ZNF292: variants seen among roughly 807,000 people sequenced by gnomAD.
The protein encoded by ZNF292 is 16 zinc-finger domain protein.
ZNF292 carries 26 observed loss-of-function variants against 217.9 expected under a neutral mutation model. The ratio of observed to expected loss-of-function variants is 0.12; its 90% CI spans 0.09 to 0.17. ZNF292 has a LOEUF of 0.17. Among genes scored for constraint, ZNF292 ranks in the 10% least tolerant of loss-of-function variants. The pLI is 1.00. For missense variants in ZNF292, 2,904 were observed against 3,175.2 expected, an observed-to-expected ratio of 0.91 and a Z score of 2.05; for synonymous variants, 1,257 against 1,124.1, an observed-to-expected ratio of 1.12 and a Z score of -2.37.
At chr6:87,244,237 T>C (rs1774455254) in intron 6 of ZNF292, among the ~76,000 whole-genome samples, 1 of 152,212 alleles carries the variant, frequency 6.6e-6, no homozygotes, top group Non-Finnish European at 1.5e-5. Flanking sequence ...AATGGTTGTG[T>C]AATCAATAAA....
At chr6:87,248,650 C>T (rs1208100179) in intron 7 of ZNF292, among the ~76,000 whole-genome samples, 1 of 152,188 alleles carries the variant, frequency 6.6e-6, no homozygotes, top group Non-Finnish European at 1.5e-5. Context: ...AGTTTTAAAT[C>T]ATAGGTTGTG....
At chr6:87,208,793 T>C (rs935176596) in intron 1 of ZNF292, among the ~76,000 whole-genome samples, 4 of 152,186 alleles carry the variant, frequency 2.6e-5, no homozygotes, top group Admixed American at 1.3e-4. Context: ...AGGCTTGGTG[T>C]CAGAATATTG....
chr6:87,219,098 A>T (rs1048564568), intron 4 of ZNF292, among the ~76,000 whole-genome samples: 1 of 152,216 alleles, frequency 6.6e-6, no homozygotes, highest in African/African-American at 2.4e-5. Context: ...AGAAGTCAGT[A>T]CTAGAACTCT....
chr6:87,258,536 C>A lies in ZNF292; in HGVS notation c.4907C>A (p.Pro1636His), dbSNP rs1465452830. The change falls in exon 8 of 8, where the codon CCT becomes CAT. Residue 1636 changes from proline to histidine, a missense_variant. By Grantham distance (77) the Pro-to-His change is moderately conservative (BLOSUM62 -2). Transcript: ENST00000369577. Reference protein sequence around the residue: ...SASKRRKKVAPPLIAPNASQN... With the variant: ...SASKRRKKVAHPLIAPNASQN... ...TCTAAGAGAAGAAAGAAAGTTGCTC[C>A]TCCACTAATTGCACCTAACGCTTCC... 6.2e-7 allele frequency: 1 copy of A among 1,613,636 alleles called. No homozygotes were observed.
At position 87,256,462 on chromosome 6, in the gene ZNF292, CAG is replaced by C; in HGVS notation, c.2834_2835del (p.Gln945ArgfsTer3). On this transcript the variant is annotated frameshift_variant, in exon 8 of 8. Transcript: ENST00000369577. LOFTEE classifies it high-confidence loss of function. ...TGTGTCCATTAAGGTGTCTCTCAAT[CAG>C]GGGATTGAGGATAACTTTGGAAAGC... is the stretch of plus-strand genomic sequence containing the variant. ...VAVSIKVSLN[Q>X]GIEDNFGKQE... 2 of 1,608,760 alleles carry C rather than the reference CAG, an allele frequency of 1.2e-6. No homozygotes were observed. Among genetic ancestry groups the C allele is most frequent in the Non-Finnish European group, 8.5e-7 (1 of 1,179,798 alleles).
In ZNF292 at chr6:87,257,599, G is replaced by A. The variant is rs1490386087; in HGVS notation, c.3970G>A (p.Val1324Met). Residue 1324 changes from valine (V) to methionine (M), a missense_variant, in exon 8 of 8, where the codon GTG (valine) becomes ATG (methionine). Val to Met is a conservative substitution (Grantham distance 21). This residue lies in a region of ZNF292 where 687 missense variants were observed against 623.0 expected (regional missense o/e 1.10). Coordinates refer to ENST00000369577, the MANE Select transcript of ZNF292 (RefSeq NM_015021.3). ...TGAAAATGCAGTTTTTCCTTCACAA[G>A]TGAATGTTGCAAATAACTTCAGTAG... ...NGENAVFPSQ[V>M]NVANNFSSTN... is the part of the protein sequence containing the mutation. The A allele has an allele frequency of 1.2e-6, 2 of 1,606,992 alleles. No homozygotes were observed. Among genetic ancestry groups the A allele is most frequent in the Non-Finnish European group, 1.7e-6 (2 of 1,176,366 alleles).
intron 3 of ZNF292, 76 bp downstream of exon 3, chr6:87,216,453 G>A (rs1376531316): frequency 1.2e-5 from 13 of 1,107,274 alleles, no homozygotes; most frequent in Non-Finnish European, 1.7e-5. Flanking sequence ...AAATTATTCA[G>A]TTAAACTTTA....
At chr6:87,179,352 G>C (rs1471083683) in intron 1 of ZNF292, among the ~76,000 whole-genome samples, 1 of 151,856 alleles carries the variant, frequency 6.6e-6, no homozygotes, top group Non-Finnish European at 1.5e-5. Flanking sequence ...GTGGAGACAG[G>C]GTTTCACCAT....
chr6:87,178,957 T>G (rs1771384097), intron 1 of ZNF292, among the ~76,000 whole-genome samples: 1 of 152,124 alleles, frequency 6.6e-6, no homozygotes, highest in Non-Finnish European at 1.5e-5. Context: ...ATTAGGGTTC[T>G]TTATTCTATA....
intron 1 of ZNF292, among the ~76,000 whole-genome samples, chr6:87,192,786 C>T (rs993399418): frequency 6.6e-6 from 1 of 152,130 alleles, no homozygotes; most frequent in Non-Finnish European, 1.5e-5. Context: ...TAATTCTCTA[C>T]TGATGAACGT....
At chr6:87,248,720 A>G (rs1774740328) in intron 7 of ZNF292, among the ~76,000 whole-genome samples, 1 of 152,262 alleles carries the variant, frequency 6.6e-6, no homozygotes, top group South Asian at 2.1e-4. Flanking sequence ...ACTAGAAGCC[A>G]AACTGGCTAT....
At chr6:87,226,608 G>A (rs939977724) in intron 4 of ZNF292, among the ~76,000 whole-genome samples, 3 of 147,616 alleles carry the variant, frequency 2.0e-5, no homozygotes, top group East Asian at 2.0e-4. Flanking sequence ...TCCTAGACAA[G>A]GACATTATTT....
intron 1 of ZNF292, among the ~76,000 whole-genome samples, chr6:87,180,080 T>C (rs1771425487): frequency 6.6e-6 from 1 of 152,226 alleles, no homozygotes; most frequent in South Asian, 2.1e-4. Flanking sequence ...TTGGCTTCCC[T>C]GGGCCACATT....
chr6:87,196,022 C>T lies in ZNF292; in HGVS notation c.169-19881C>T, dbSNP rs543472868. 1.2e-4 allele frequency among the ~76,000 whole-genome samples: 17 copies of T among 141,568 alleles called. No homozygotes were observed. In the South Asian group the frequency reaches 3.1e-3, roughly 26 times the overall value. 92.9% of individuals were successfully genotyped at this position (141,568 alleles called of 152,430 possible). On this transcript the variant is annotated intron_variant, in intron 1 of 7. Coordinates refer to ENST00000369577, the MANE Select transcript of ZNF292 (RefSeq NM_015021.3). The stretch of plus-strand genomic sequence containing the variant: ...CAGCCTGGGCAGCAGAGTGAGACTC[C>T]GTCTCAAAAAAAAAAAAACAAAAAG...
intron 1 of ZNF292, among the ~76,000 whole-genome samples, chr6:87,204,160 T>C (rs192634996): frequency 4.6e-5 from 7 of 152,370 alleles, no homozygotes; most frequent in Non-Finnish European, 8.8e-5. Flanking sequence ...GCCAGGGTCC[T>C]GAAAGAGTCT....
At chr6:87,200,586 G>T (rs1462290436) in intron 1 of ZNF292, among the ~76,000 whole-genome samples, 1 of 152,206 alleles carries the variant, frequency 6.6e-6, no homozygotes, top group East Asian at 1.9e-4. Context: ...GGTTGCTTCT[G>T]TAAGCCTAGT....
chr6:87,213,302 G>A (rs544658630), intron 1 of ZNF292, among the ~76,000 whole-genome samples: 219 of 152,258 alleles, frequency 1.4e-3, no homozygotes, highest in Non-Finnish European at 2.6e-3. Flanking sequence ...CAAAGAAATA[G>A]CACTCAAACA....
chr6:87,257,817 G>A lies in ZNF292; in HGVS notation c.4188G>A (p.Lys1396=), dbSNP rs1450411059. 1 of 1,613,858 alleles carries A rather than the reference G, an allele frequency of 6.2e-7. No homozygotes were observed. The highest frequency in any genetic ancestry group is 2.2e-5 in the East Asian group (1 of 44,886). The change falls in exon 8 of 8, where the codon AAG becomes AAA. Residue 1396 remains lysine (K), a synonymous_variant. Transcript: ENST00000369577. The part of the protein sequence containing the change: ...NPRSLGGHLS[K]RSYCKPLDGA... ...GATCACTGGGTGGGCACTTATCCAAGCGATCTTACTGTAAACCACTGGATG... is the reference window on the plus strand; with the variant it reads ...GATCACTGGGTGGGCACTTATCCAAACGATCTTACTGTAAACCACTGGATG...
At chr6:87,240,131 C>T (rs1053123598) in intron 5 of ZNF292, among the ~76,000 whole-genome samples, 8 of 152,214 alleles carry the variant, frequency 5.3e-5, no homozygotes, top group African/African-American at 1.9e-4. Flanking sequence ...TGGCAGATCA[C>T]TCGCGGTTAG....
Sources: allele counts gnomAD v4.1 joint callset (sites outside exome capture counted in the v4.1 genomes callset), GRCh38; gene constraint gnomAD v4.1.1; regional missense constraint gnomAD v4.1.1; transcripts MANE v1.5; gene names NCBI Gene and HGNC (gene_info 2026-07-23, HGNC 2026-07-21).